MGMT: variants seen among roughly 807,000 people sequenced by gnomAD.
MGMT encodes the protein methylated-DNA--protein-cysteine methyltransferase.
MGMT carries 14 observed loss-of-function variants against 15.9 expected under a neutral mutation model. The ratio of observed to expected loss-of-function variants is 0.88; its 90% CI spans 0.58 to 1.37. The LOEUF (loss-of-function observed/expected upper bound fraction) is 1.37. Among genes scored for constraint, MGMT ranks in the 40% most tolerant of loss-of-function variants. The probability of loss-of-function intolerance (pLI) is 0.00; values close to 1 mark genes in which losing one functional copy is unlikely to be tolerated. For synonymous variants in MGMT, 130 were observed against 118.2 expected (o/e 1.10, Z -0.65); for missense variants, 282 against 268.1 (o/e 1.05, Z -0.36).
At chr10:129,512,708 C>T (rs1262786460) in intron 1 of MGMT, among the ~76,000 whole-genome samples, 3 of 152,162 alleles carry the variant, frequency 2.0e-5, no homozygotes, top group African/African-American at 7.2e-5. Context: ...GTAGTCTGTG[C>T]CGTTCAGTGC....
At chr10:129,476,283 ATTGT>A (rs1845293191) in intron 1 of MGMT, among the ~76,000 whole-genome samples, 1 of 151,586 alleles carries the variant, frequency 6.6e-6, no homozygotes, top group East Asian at 1.9e-4. Flanking sequence ...CATTTTTTGG[ATTGT>A]TTGTCACTCC....
chr10:129,609,010 G>A (rs936839885), intron 2 of MGMT, among the ~76,000 whole-genome samples: 5 of 152,220 alleles, frequency 3.3e-5, no homozygotes, highest in Non-Finnish European at 7.3e-5. Flanking sequence ...ACCTGCCGGC[G>A]GTGGCATGGA....
At chr10:129,729,799 C>T (rs913823621) in intron 3 of MGMT, among the ~76,000 whole-genome samples, 15 of 152,150 alleles carry the variant, frequency 9.9e-5, no homozygotes, top group African/African-American at 3.4e-4. Context: ...TAACTAATGG[C>T]GGCAGCAGCA....
intron 2 of MGMT, among the ~76,000 whole-genome samples, chr10:129,653,528 G>C (rs185469309): frequency 6.6e-6 from 1 of 152,216 alleles, no homozygotes; most frequent in East Asian, 1.9e-4. Context: ...GAGATGGCCC[G>C]TGTGGGAGGG....
chr10:129,687,836 A>T (rs1204674683), intron 2 of MGMT, among the ~76,000 whole-genome samples: 27 of 151,524 alleles, frequency 1.8e-4, no homozygotes, highest in East Asian at 9.8e-4. Context: ...TCCTAATGCT[A>T]TCCCTCCCCC....
chr10:129,743,124 G>C (rs1848657127), intron 3 of MGMT, among the ~76,000 whole-genome samples: 1 of 152,140 alleles, frequency 6.6e-6, no homozygotes, highest in Non-Finnish European at 1.5e-5. Flanking sequence ...GTGGAGCGGG[G>C]CGGGTCGTTA....
intron 2 of MGMT, among the ~76,000 whole-genome samples, chr10:129,640,415 GCA>G (rs941517794): frequency 6.6e-6 from 1 of 152,100 alleles, no homozygotes; most frequent in African/African-American, 2.4e-5. Flanking sequence ...TTTTTGAAAG[GCA>G]CAGACTACCA....
At chr10:129,598,011 C>T (rs1214533026) in intron 2 of MGMT, among the ~76,000 whole-genome samples, 5 of 152,286 alleles carry the variant, frequency 3.3e-5, no homozygotes, top group Admixed American at 6.5e-5. Context: ...TGGTGGCTCT[C>T]GGCCCCTGGG....
At chr10:129,761,517 A>G (rs1430578085) in intron 4 of MGMT, among the ~76,000 whole-genome samples, 1 of 152,210 alleles carries the variant, frequency 6.6e-6, no homozygotes, top group African/African-American at 2.4e-5. Context: ...TTGTGGCGAT[A>G]TTCGGAGACA....
chr10:129,615,284 G>C (rs556862864), intron 2 of MGMT, among the ~76,000 whole-genome samples: 1 of 152,152 alleles, frequency 6.6e-6, no homozygotes, highest in South Asian at 2.1e-4. Context: ...CTCCCCTGAC[G>C]TGCCCCTGCT....
chr10:129,767,164 G>A lies in MGMT; in HGVS notation c.*167G>A, dbSNP rs189817159. 1.8e-4 allele frequency: 103 copies of A among 583,800 alleles called. 1 individual carries two copies. The highest frequency in any genetic ancestry group is 1.6e-3 in the African/African-American group (83 of 52,938). The allele number at this position is 583,800 out of a possible 1,614,324, so 36.2% of individuals were successfully genotyped here. On this transcript the variant is annotated 3_prime_UTR_variant, in exon 5 of 5. Coordinates refer to ENST00000651593, the MANE Select transcript of MGMT (RefSeq NM_002412.5). The stretch of plus-strand genomic sequence containing the variant: ...CAGCAGGATGAGTTCAGACGCCCGC[G>A]GTCCTGCACACATTTGTTTCCTTCT...
At chr10:129,476,730 T>C (rs1313494077) in intron 1 of MGMT, among the ~76,000 whole-genome samples, 1 of 151,960 alleles carries the variant, frequency 6.6e-6, no homozygotes, top group Non-Finnish European at 1.5e-5. Flanking sequence ...CTGGAAGGGG[T>C]GCTGCCCTGT....
intron 2 of MGMT, among the ~76,000 whole-genome samples, chr10:129,652,066 G>A (rs1403865308): frequency 6.6e-6 from 1 of 152,230 alleles, no homozygotes; most frequent in Admixed American, 6.5e-5. Context: ...GCTGTCGGAA[G>A]CCGGGGTTTG....
At chr10:129,696,322 AG>A (rs1488746609) in intron 2 of MGMT, among the ~76,000 whole-genome samples, 2 of 24,498 alleles carry the variant, frequency 8.2e-5, no homozygotes, top group Non-Finnish European at 1.7e-4. Flanking sequence ...GCATTATATC[AG>A]GGGGTGGGGA....
chr10:129,536,530 T>C (rs1845987016), intron 2 of MGMT, 153 bp downstream of exon 2: 1 of 896,252 alleles, frequency 1.1e-6, no homozygotes, highest in Admixed American at 3.3e-5. Context: ...AACAGTGTGC[T>C]GCGACGGCTC....
intron 2 of MGMT, among the ~76,000 whole-genome samples, chr10:129,553,275 A>C (rs778259842): frequency 6.6e-6 from 1 of 152,182 alleles, no homozygotes; most frequent in Middle Eastern, 3.2e-3. Context: ...ATTATGTTGA[A>C]GTGAAGTGAG....
At chr10:129,560,497 G>A (rs1156711994) in intron 2 of MGMT, among the ~76,000 whole-genome samples, 2 of 152,032 alleles carry the variant, frequency 1.3e-5, no homozygotes, top group Non-Finnish European at 2.9e-5. Context: ...CTCTGCATTC[G>A]TGGCTAAACC....
chr10:129,706,450 A>G (rs927143258), intron 2 of MGMT, among the ~76,000 whole-genome samples: 7 of 152,186 alleles, frequency 4.6e-5, no homozygotes, highest in African/African-American at 1.4e-4. Context: ...CCAGGAAGGA[A>G]GGGTGAAGGG....
intron 2 of MGMT, among the ~76,000 whole-genome samples, chr10:129,598,123 G>A (rs1238111698): frequency 6.6e-6 from 1 of 152,152 alleles, no homozygotes; most frequent in African/African-American, 2.4e-5. Context: ...CCGTGGATGC[G>A]GCCAGCAAGG....
Sources: allele counts gnomAD v4.1 joint callset (sites outside exome capture counted in the v4.1 genomes callset), GRCh38; gene constraint gnomAD v4.1.1; transcripts MANE v1.5; gene names NCBI Gene and HGNC (gene_info 2026-07-23, HGNC 2026-07-21).